The following RASAL2 variants were observed in gnomAD, a reference collection of about 807,000 sequenced individuals.
RASAL2 encodes ras GTPase-activating protein nGAP.
Under a neutral mutation model 128.9 loss-of-function variants are expected in RASAL2, and 58 were observed. That is an observed-to-expected ratio of 0.45 (90% confidence interval 0.36 to 0.56). RASAL2 has a LOEUF of 0.56. Among genes scored for constraint, RASAL2 ranks in the 20% least tolerant of loss-of-function variants. The probability of loss-of-function intolerance (pLI) is 0.00; values close to 1 mark genes in which losing one functional copy is unlikely to be tolerated. For synonymous variants in RASAL2, 561 were observed against 580.8 expected (o/e 0.97, Z 0.49); for missense variants, 1,360 against 1,601.6 (o/e 0.85, Z 2.57).
chr1:178,449,829 G>A, intron 9 of RASAL2, among the ~76,000 whole-genome samples: 1 of 151,848 alleles, frequency 6.6e-6, no homozygotes, highest in East Asian at 1.9e-4. Context: ...TATTTATCTG[G>A]CACTTTTCTT....
At chr1:178,244,474 C>T (rs948145582) in intron 1 of RASAL2, among the ~76,000 whole-genome samples, 1 of 152,180 alleles carries the variant, frequency 6.6e-6, no homozygotes, top group African/African-American at 2.4e-5. Context: ...AACTCCTGAC[C>T]TTGTAATCCA....
At chr1:178,465,524 C>T (rs1647583101) in intron 15 of RASAL2, among the ~76,000 whole-genome samples, 1 of 152,122 alleles carries the variant, frequency 6.6e-6, no homozygotes, top group South Asian at 2.1e-4. Context: ...AGTGATTTGT[C>T]AGACTTTTAA....
intron 1 of RASAL2, among the ~76,000 whole-genome samples, chr1:178,219,524 C>A (rs965248572): frequency 1.3e-5 from 2 of 151,460 alleles, no homozygotes; most frequent in African/African-American, 4.9e-5. Flanking sequence ...GCACATAGTC[C>A]CCTCTACTCA....
At chr1:178,216,652 G>A (rs1231523462) in intron 1 of RASAL2, among the ~76,000 whole-genome samples, 2 of 152,142 alleles carry the variant, frequency 1.3e-5, no homozygotes, top group Non-Finnish European at 2.9e-5. Flanking sequence ...GTTTGTTTGT[G>A]TGTTTAAGAC....
intron 1 of RASAL2, among the ~76,000 whole-genome samples, chr1:178,266,797 A>G (rs1248445289): frequency 6.6e-6 from 1 of 152,130 alleles, no homozygotes; most frequent in African/African-American, 2.4e-5. Context: ...AGCCTGTGGG[A>G]AAAAACTGGC....
intron 3 of RASAL2, among the ~76,000 whole-genome samples, chr1:178,350,340 C>T (rs1670396141): frequency 6.6e-6 from 1 of 152,178 alleles, no homozygotes; most frequent in Non-Finnish European, 1.5e-5. Context: ...CTCGCCTCAG[C>T]CCCCCGAGTA....
chr1:178,370,117 C>T (rs1557935989), intron 3 of RASAL2, among the ~76,000 whole-genome samples: 1 of 152,140 alleles, frequency 6.6e-6, no homozygotes, highest in Non-Finnish European at 1.5e-5. Context: ...ATGTTTTAGG[C>T]AGTTGAACAA....
chr1:178,382,638 A>C (rs1259130960), intron 3 of RASAL2, among the ~76,000 whole-genome samples: 2 of 152,132 alleles, frequency 1.3e-5, no homozygotes, highest in African/African-American at 4.8e-5. Context: ...TTCCACCTCC[A>C]AAGAGTTGTT....
chr1:178,154,036 A>G (rs768266393), intron 1 of RASAL2, among the ~76,000 whole-genome samples: 2 of 151,330 alleles, frequency 1.3e-5, no homozygotes, highest in African/African-American at 2.4e-5. Context: ...GCGTTTCACC[A>G]TGTTGGTCAG....
chr1:178,238,611 C>A (rs1019041261), intron 1 of RASAL2, among the ~76,000 whole-genome samples: 2 of 151,958 alleles, frequency 1.3e-5, no homozygotes, highest in Non-Finnish European at 2.9e-5. Flanking sequence ...TGTATATACA[C>A]ACACACACAC....
intron 1 of RASAL2, among the ~76,000 whole-genome samples, chr1:178,095,699 A>G (rs1201641865): frequency 6.6e-6 from 1 of 152,176 alleles, no homozygotes; most frequent in Non-Finnish European, 1.5e-5. Context: ...TTCAAGAGTG[A>G]CCAAGACTTA....
intron 3 of RASAL2, among the ~76,000 whole-genome samples, chr1:178,335,790 C>T (rs539362169): frequency 1.3e-5 from 2 of 152,220 alleles, no homozygotes; most frequent in East Asian, 3.9e-4. Flanking sequence ...TACATTGTTG[C>T]ATCTGGATTA....
chr1:178,283,698 T>G lies in RASAL2; in HGVS notation c.330+7T>G, dbSNP rs921390383. ...GCTCAACAAGGAGAAGGAGGTGAGA[T>G]GGATATTATTCAGGAAAGTTAGTTT... On this transcript the variant is annotated splice_region_variant and intron_variant, in intron 2 of 17. Coordinates refer to ENST00000367649, the MANE Select transcript of RASAL2 (RefSeq NM_170692.4). 1.2e-6 allele frequency: 2 copies of G among 1,612,918 alleles called. No homozygotes were observed.
In RASAL2 at chr1:178,206,146, C is replaced by G. The variant is rs11808772; in HGVS notation, c.203-77418C>G. Among the ~76,000 whole-genome samples, 843 of 152,058 alleles carry G rather than the reference C, an allele frequency of 5.5e-3. 11 individuals carry two copies. Among genetic ancestry groups the G allele is most frequent in the African/African-American group, 0.019 (790 of 41,448 alleles). On this transcript the variant is annotated intron_variant, in intron 1 of 17. Coordinates refer to ENST00000367649, the MANE Select transcript of RASAL2 (RefSeq NM_170692.4). ...CTGTCCTCTCTGAACTCCTGTCTACCCAGAAAAGCCATCTTGAGACGAAAG... is the reference window on the plus strand; with the variant it reads ...CTGTCCTCTCTGAACTCCTGTCTACGCAGAAAAGCCATCTTGAGACGAAAG...
intron 1 of RASAL2, among the ~76,000 whole-genome samples, chr1:178,199,260 G>A (rs1473991358): frequency 3.3e-5 from 5 of 152,180 alleles, no homozygotes; most frequent in South Asian, 2.1e-4. Flanking sequence ...TGCGCTTCCC[G>A]GGTGAGGTGA....
At chr1:178,152,327 C>T (rs558765501) in intron 1 of RASAL2, among the ~76,000 whole-genome samples, 22 of 152,272 alleles carry the variant, frequency 1.4e-4, no homozygotes, top group Admixed American at 9.2e-4. Context: ...ACTTGCCCTA[C>T]GCATCTCTTT....
intron 3 of RASAL2, chr1:178,372,173 G>A: frequency 1.0e-6 from 1 of 985,302 alleles, no homozygotes; most frequent in Non-Finnish European, 1.2e-6. Flanking sequence ...TTTAGTCTCT[G>A]TATCCTTTTT....
At chr1:178,429,802 C>G (rs989026572) in intron 5 of RASAL2, among the ~76,000 whole-genome samples, 1 of 152,000 alleles carries the variant, frequency 6.6e-6, no homozygotes, top group African/African-American at 2.4e-5. Context: ...CTCCTCTAAC[C>G]CAAATGCCAT....
intron 1 of RASAL2, among the ~76,000 whole-genome samples, chr1:178,228,789 C>G (rs1029115355): frequency 1.6e-4 from 25 of 152,072 alleles, no homozygotes; most frequent in Admixed American, 5.9e-4. Flanking sequence ...TAATTTTCCA[C>G]TAAGATATCT....
Sources: gnomAD v4.1 joint callset for allele counts (sites outside exome capture counted in the v4.1 genomes callset) on GRCh38, gnomAD v4.1.1 for gene constraint, MANE v1.5 for transcripts, NCBI Gene and HGNC (gene_info 2026-07-23, HGNC 2026-07-21) for gene names.